ITGA2: variants seen among roughly 807,000 people sequenced by gnomAD.
ITGA2 encodes the protein integrin alpha-2.
ITGA2 carries 101 observed loss-of-function variants against 146.3 expected under a neutral mutation model. The observed-to-expected ratio is 0.69, with a 90% CI of 0.59 to 0.81. ITGA2 has a LOEUF of 0.81. Ranked by LOEUF, ITGA2 falls within the 40% of genes least tolerant of loss-of-function variation. ITGA2 has a pLI of 0.00. For synonymous variants in ITGA2, 477 were observed against 487.1 expected (o/e 0.98, Z 0.27); for missense variants, 1,281 against 1,402.7 (o/e 0.91, Z 1.39).
chr5:53,058,788 T>C (rs1192444014), intron 10 of ITGA2, among the ~76,000 whole-genome samples: 1 of 151,910 alleles, frequency 6.6e-6, no homozygotes, highest in Non-Finnish European at 1.5e-5. Flanking sequence ...CTATCTAGAA[T>C]CAAAGGAACT....
rs771465737 is a variant in ITGA2, at chr5:53,060,970, A to T, written c.1382A>T (p.Tyr461Phe). 1.1e-5 allele frequency: 17 copies of T among 1,612,418 alleles called. No homozygotes were observed. The South Asian group carries it at 1.5e-4, about 15-fold the overall frequency. The change falls in exon 12 of 30, where the codon TAT (tyrosine) becomes TTT (phenylalanine). Residue 461 changes from tyrosine (Y) to phenylalanine (F), a missense_variant. Tyr to Phe is a conservative substitution (Grantham distance 22, BLOSUM62 3). This residue lies in a region of ITGA2 where 795 missense variants were observed against 841.7 expected (regional missense o/e 0.94). Transcript: ENST00000296585. ...HFVAGAPRAN[Y>F]TGQIVLYSVN... ...GTTGCTGGTGCTCCTCGGGCAAATT[A>T]TACCGGCCAGATAGTGCTATATAGT...
At chr5:53,015,735 G>A (rs913911802) in intron 1 of ITGA2, among the ~76,000 whole-genome samples, 1 of 152,070 alleles carries the variant, frequency 6.6e-6, no homozygotes, top group East Asian at 1.9e-4. Flanking sequence ...GTCTTTGTAG[G>A]TCTCTAAGGA....
intron 26 of ITGA2, among the ~76,000 whole-genome samples, chr5:53,082,559 A>G (rs1403265882): frequency 6.6e-6 from 1 of 152,156 alleles, no homozygotes; most frequent in Non-Finnish European, 1.5e-5. Flanking sequence ...GGAAGAATTG[A>G]GTGGAAAGTA....
intron 2 of ITGA2, among the ~76,000 whole-genome samples, chr5:53,034,963 C>T (rs1579829296): frequency 6.6e-6 from 1 of 152,148 alleles, no homozygotes; most frequent in East Asian, 1.9e-4. Flanking sequence ...CACTTAGACC[C>T]TTGAAGTCAG....
intron 1 of ITGA2, among the ~76,000 whole-genome samples, chr5:53,011,007 C>G (rs572707773): frequency 3.3e-5 from 5 of 152,208 alleles, no homozygotes; most frequent in African/African-American, 9.6e-5. Context: ...AAGGAATGCT[C>G]ACAGCCCCAA....
intron 1 of ITGA2, among the ~76,000 whole-genome samples, chr5:53,025,630 G>A (rs143055614): frequency 9.2e-5 from 14 of 152,242 alleles, no homozygotes; most frequent in East Asian, 1.9e-4. Flanking sequence ...TTTTTCTTCC[G>A]GCCTTTCAGT....
chr5:53,019,595 G>A lies in ITGA2; in HGVS notation c.65-7153G>A, dbSNP rs935214567. Among the ~76,000 whole-genome samples the A allele has an allele frequency of 2.0e-5, 3 of 152,042 alleles. No individual in the cohort carries two copies. The South Asian group carries it at 6.2e-4, about 32-fold the overall frequency. On this transcript the variant is annotated intron_variant, in intron 1 of 29. Coordinates refer to ENST00000296585, the MANE Select transcript of ITGA2 (RefSeq NM_002203.4). Reference sequence around the variant, plus strand: ...GGCTGCAGTGCAGTGGCATGATCTCGGCTCACTCCAACTTCCACCTCCTGG... The same window carrying A: ...GGCTGCAGTGCAGTGGCATGATCTCAGCTCACTCCAACTTCCACCTCCTGG...
chr5:52,991,298 GT>G (rs1740940895), intron 1 of ITGA2, among the ~76,000 whole-genome samples: 1 of 152,052 alleles, frequency 6.6e-6, no homozygotes, highest in Non-Finnish European at 1.5e-5. Context: ...AAGCAGCATC[GT>G]TTTTTGGTAC....
At chr5:52,999,444 T>C (rs1017207636) in intron 1 of ITGA2, among the ~76,000 whole-genome samples, 3 of 152,210 alleles carry the variant, frequency 2.0e-5, no homozygotes, top group Admixed American at 2.0e-4. Context: ...TGTTTGTTAC[T>C]ATTTCACGGA....
intron 1 of ITGA2, among the ~76,000 whole-genome samples, chr5:52,990,567 GGT>G (rs1491496767): frequency 2.0e-3 from 113 of 57,696 alleles, no homozygotes; most frequent in Non-Finnish European, 2.6e-3. Context: ...GTGTGTGTGT[GGT>G]TTTTTTTTTT....
At chr5:53,042,074 T>G in intron 2 of ITGA2, 38 bp from the exon 3 acceptor site, 1 of 1,193,098 alleles carries the variant, frequency 8.4e-7, no homozygotes, top group Non-Finnish European at 1.3e-6. Flanking sequence ...GAAACTATAC[T>G]TAACACTTTG....
intron 1 of ITGA2, among the ~76,000 whole-genome samples, chr5:53,007,154 T>C (rs1179751320): frequency 2.0e-5 from 3 of 152,170 alleles, no homozygotes; most frequent in Admixed American, 6.6e-5. Flanking sequence ...GAAGAGGTGA[T>C]ATAGAGCAGA....
intron 1 of ITGA2, chr5:52,990,427 C>G (rs1167596003): frequency 1.3e-5 from 2 of 152,198 alleles, no homozygotes; most frequent in African/African-American, 2.4e-5. Context: ...TTTCCCTGAC[C>G]ATTAGGCAGA....
At chr5:53,028,918 C>T (rs1311745226) in intron 2 of ITGA2, among the ~76,000 whole-genome samples, 1 of 152,228 alleles carries the variant, frequency 6.6e-6, no homozygotes, top group African/African-American at 2.4e-5. Context: ...CACCTGCCTT[C>T]AGCTTCCCTT....
At position 53,017,655 on chromosome 5, in the gene ITGA2, C is replaced by T. The variant is rs1327050952; in HGVS notation, c.65-9093C>T. ...GAGCAGGGTGGCAGCAACCTGCTGG[C>T]GGTGCATGGTAGCAGTACAGCAGGG... On this transcript the variant is annotated intron_variant, in intron 1 of 29. Transcript: ENST00000296585. 3.9e-5 allele frequency among the ~76,000 whole-genome samples: 6 copies of T among 152,242 alleles called. No individual in the cohort carries two copies. In the East Asian group the frequency reaches 5.8e-4, roughly 15 times the overall value.
chr5:53,065,683 A>C, intron 14 of ITGA2, 158 bp from the exon 15 acceptor site: 1 of 883,920 alleles, frequency 1.1e-6, no homozygotes, highest in Non-Finnish European at 1.8e-6. Context: ...GAGATCAGAT[A>C]ATAAGATGTG....
chr5:53,037,054 A>T (rs906746199), intron 2 of ITGA2, among the ~76,000 whole-genome samples: 2 of 152,218 alleles, frequency 1.3e-5, no homozygotes, highest in African/African-American at 2.4e-5. Context: ...GAATTTACAG[A>T]CTCACAGACC....
intron 27 of ITGA2, among the ~76,000 whole-genome samples, chr5:53,085,084 C>T (rs1388385216): frequency 6.6e-6 from 1 of 152,198 alleles, no homozygotes; most frequent in African/African-American, 2.4e-5. Context: ...CATGAAAAGT[C>T]AAATGTTTAT....
chr5:53,035,589 A>G (rs183744193), intron 2 of ITGA2, among the ~76,000 whole-genome samples: 34 of 152,310 alleles, frequency 2.2e-4, no homozygotes, highest in South Asian at 6.2e-4. Flanking sequence ...TAAATTTATG[A>G]TAGCAGTATT....
Sources: allele counts gnomAD v4.1 joint callset (sites outside exome capture counted in the v4.1 genomes callset), GRCh38; gene constraint gnomAD v4.1.1; regional missense constraint gnomAD v4.1.1; transcripts MANE v1.5; gene names NCBI Gene and HGNC (gene_info 2026-07-23, HGNC 2026-07-21).